TJP2: variants seen among roughly 807,000 people sequenced by gnomAD.
TJP2 encodes the protein Friedreich ataxia region gene X104 (tight junction protein ZO-2).
Under a neutral mutation model 133.1 loss-of-function variants are expected in TJP2, and 91 were observed. The observed-to-expected ratio is 0.68, with a 90% confidence interval of 0.58 to 0.81. The LOEUF is 0.81. Among genes scored for constraint, TJP2 ranks in the 40% least tolerant of loss-of-function variants. The probability of loss-of-function intolerance (pLI) is 0.00; values close to 1 mark genes in which losing one functional copy is unlikely to be tolerated. For missense variants in TJP2, 1,541 were observed against 1,565.6 expected (o/e 0.98, Z 0.26); for synonymous variants, 592 against 583.4 (o/e 1.01, Z -0.21).
chr9:69,224,838 GT>G (rs1380935586), intron 5 of TJP2, among the ~76,000 whole-genome samples: 3 of 150,574 alleles, frequency 2.0e-5, no homozygotes, highest in African/African-American at 7.3e-5. Context: ...CTCTCAGTGG[GT>G]TTTTTGGTAC....
intron 1 of TJP2, among the ~76,000 whole-genome samples, chr9:69,206,553 TTTTATTTA>T (rs34725985): frequency 3.3e-5 from 5 of 149,368 alleles, no homozygotes; most frequent in Non-Finnish European, 7.4e-5. Flanking sequence ...TCTCCCTATT[TTTTATTTA>T]TTTATTTATT....
At chr9:69,216,087 T>G (rs1297395869) in intron 2 of TJP2, among the ~76,000 whole-genome samples, 2 of 152,240 alleles carry the variant, frequency 1.3e-5, no homozygotes, top group Non-Finnish European at 2.9e-5. Flanking sequence ...CTTCTAGTGA[T>G]AACTCCAGTC....
intron 4 of TJP2, 78 bp from the exon 5 acceptor site, chr9:69,220,809 C>A (rs1375031899): frequency 2.8e-6 from 4 of 1,432,486 alleles, no homozygotes; most frequent in African/African-American, 2.8e-5. Context: ...GAAACCAGAA[C>A]CAGGGCTCTT....
At position 69,236,192 on chromosome 9, in the gene TJP2, A is replaced by C. The variant is rs768016143; in HGVS notation, c.1945A>C (p.Arg649=). The change falls in exon 13 of 23, where the codon AGG becomes CGG. Residue 649 remains arginine, a synonymous_variant. Coordinates refer to ENST00000377245, the MANE Select transcript of TJP2 (RefSeq NM_004817.4). ...DGKLGNWLAV[R]IGNELEKGLI... ...CAAGCTGGGCAACTGGCTGGCTGTGAGGATTGGGAACGAGTTGGAGAAAGG... is the reference window on the plus strand; with the variant it reads ...CAAGCTGGGCAACTGGCTGGCTGTGCGGATTGGGAACGAGTTGGAGAAAGG... The C allele has an allele frequency of 6.2e-7, 1 of 1,614,102 alleles. No homozygotes were observed. Among genetic ancestry groups the C allele is most frequent in the Non-Finnish European group, 8.5e-7 (1 of 1,179,978 alleles).
chr9:69,220,593 T>C lies in TJP2; in HGVS notation c.343-294T>C, dbSNP rs997416435. Among the ~76,000 whole-genome samples, 9 of 152,374 alleles carry C rather than the reference T, an allele frequency of 5.9e-5. 1 individual carries two copies. The highest frequency in any genetic ancestry group is 2.2e-4 in the African/African-American group (9 of 41,594). ...TTCTGGATTTTTGTTTTTTGAGTTTTATAACTTAGTGATTTGGGCCTCTGA... is the reference window on the plus strand; with the variant it reads ...TTCTGGATTTTTGTTTTTTGAGTTTCATAACTTAGTGATTTGGGCCTCTGA... On this transcript the variant is annotated intron_variant, in intron 4 of 22. Coordinates refer to ENST00000377245, the MANE Select transcript of TJP2 (RefSeq NM_004817.4).
At chr9:69,207,272 A>G (rs1420575613) in intron 1 of TJP2, among the ~76,000 whole-genome samples, 3 of 152,190 alleles carry the variant, frequency 2.0e-5, no homozygotes, top group Non-Finnish European at 4.4e-5. Flanking sequence ...TTGTTGTAAA[A>G]CATTGTTTTT....
At chr9:69,244,615 C>G (rs150850707) in intron 17 of TJP2, among the ~76,000 whole-genome samples, 7 of 152,298 alleles carry the variant, frequency 4.6e-5, no homozygotes, top group Non-Finnish European at 8.8e-5. Flanking sequence ...TACTATTGCT[C>G]TAAGGCAAAG....
chr9:69,167,723 C>T (rs200667429), intron 2 of TJP2, among the ~76,000 whole-genome samples: 2 of 152,136 alleles, frequency 1.3e-5, no homozygotes, highest in East Asian at 1.9e-4. Flanking sequence ...CAAAAATTAG[C>T]CGGGCATGGT....
At chr9:69,171,748 G>C (rs967334000), upstream of TJP2, among the ~76,000 whole-genome samples, 3 of 150,134 alleles carry the variant, frequency 2.0e-5, no homozygotes, top group Admixed American at 6.7e-5. Flanking sequence ...TTTATCAAGG[G>C]GTTGACAGAG....
intron 12 of TJP2, 141 bp from the exon 13 acceptor site, chr9:69,235,887 G>C (rs554616480): frequency 1.3e-6 from 1 of 742,454 alleles, no homozygotes; most frequent in South Asian, 1.5e-5. Flanking sequence ...TGTTCCTGTT[G>C]GAGCTGTGAC....
At chr9:69,149,878 G>A (rs1167333949) in intron 1 of TJP2, among the ~76,000 whole-genome samples, 4 of 152,148 alleles carry the variant, frequency 2.6e-5, no homozygotes, top group Non-Finnish European at 5.9e-5. Flanking sequence ...GGCCAGTTGC[G>A]GTGGCTCATG....
Position 69,234,511 on chromosome 9 carries a change from G to A in TJP2, c.1744G>A (p.Glu582Lys), listed in dbSNP as rs774320685. Residue 582 changes from glutamate to lysine, a missense_variant, in exon 12 of 23, where the codon GAA becomes AAA. Physicochemically the swap from Glu to Lys is moderately conservative, Grantham distance 56 (BLOSUM62 1). Transcript: ENST00000377245. ...VLYLLEIPKG[E>K]MVTILAQSRA... ...CTACCTGTTAGAAATCCCTAAAGGTGAAATGGTGACCATTTTAGCTCAGAG... is the reference window on the plus strand; with the variant it reads ...CTACCTGTTAGAAATCCCTAAAGGTAAAATGGTGACCATTTTAGCTCAGAG... The A allele has an allele frequency of 7.2e-7, 1 of 1,383,674 alleles. No individual in the cohort carries two copies. The highest frequency in any genetic ancestry group is 9.6e-7 in the Non-Finnish European group (1 of 1,039,330). 85.7% of individuals were successfully genotyped at this position (1,383,674 alleles called of 1,614,324 possible).
intron 1 of TJP2, among the ~76,000 whole-genome samples, chr9:69,149,267 A>G (rs1823357977): frequency 6.6e-6 from 1 of 152,270 alleles, no homozygotes; most frequent in Non-Finnish European, 1.5e-5. Context: ...TTTTAATAAA[A>G]GAAATAAGCT....
chr9:69,170,799 C>G (rs1209199811), upstream of TJP2, among the ~76,000 whole-genome samples: 1 of 152,176 alleles, frequency 6.6e-6, no homozygotes, highest in African/African-American at 2.4e-5. Flanking sequence ...GTTCTGGCAA[C>G]TCAAGTCTGC....
intron 2 of TJP2, among the ~76,000 whole-genome samples, chr9:69,156,523 ATTTTTTTTTTTTTT>A (rs71354318): frequency 1.2e-5 from 1 of 81,146 alleles, no homozygotes; most frequent in Non-Finnish European, 2.3e-5. Context: ...TACATGTAAG[ATTTTTTTTTTTTTT>A]TTTTTTTTTT....
intron 1 of TJP2, chr9:69,204,713 A>G: frequency 1.6e-6 from 1 of 629,840 alleles, no homozygotes; most frequent in Non-Finnish European, 2.0e-6. Context: ...GACCTGAAAC[A>G]TTGCTAGTTT....
intron 2 of TJP2, among the ~76,000 whole-genome samples, chr9:69,213,532 G>C (rs1161460432): frequency 6.6e-6 from 1 of 152,168 alleles, no homozygotes; most frequent in African/African-American, 2.4e-5. Context: ...TCAGAACTGT[G>C]AGCTTCAAGC....
In TJP2 at chr9:69,254,414, A is replaced by G. The variant is rs569658416; in HGVS notation, c.*40A>G. The G allele has an allele frequency of 6.2e-7, 1 of 1,610,830 alleles. No homozygotes were observed. The highest frequency in any genetic ancestry group is 1.1e-5 in the South Asian group (1 of 91,028). On this transcript the variant is annotated 3_prime_UTR_variant, in exon 23 of 23. Transcript: ENST00000377245. ...ACTCTCCCAGGCCTGCCTGCATGGC[A>G]TCAGACTAGCCACTCCTGCCAGGCC... is the stretch of plus-strand genomic sequence containing the variant.
chr9:69,184,042 T>A (rs1825689271), intron 1 of TJP2, among the ~76,000 whole-genome samples: 1 of 152,210 alleles, frequency 6.6e-6, no homozygotes, highest in Admixed American at 6.5e-5. Flanking sequence ...CTTTGATTCT[T>A]TACCTCTGAA....
Sources: gnomAD v4.1 joint callset for allele counts (sites outside exome capture counted in the v4.1 genomes callset) on GRCh38, gnomAD v4.1.1 for gene constraint, MANE v1.5 for transcripts, NCBI Gene and HGNC (gene_info 2026-07-23, HGNC 2026-07-21) for gene names.